PRMT9: variants seen among roughly 807,000 people sequenced by gnomAD.
PRMT9 encodes the protein protein arginine methyltransferase 9.
Under a neutral mutation model 83.2 loss-of-function variants are expected in PRMT9, and 59 were observed. The observed-to-expected ratio is 0.71, with a 90% confidence interval of 0.57 to 0.88. The LOEUF (loss-of-function observed/expected upper bound fraction) is 0.88, where lower values mean the gene tolerates loss of function less well. Among genes scored for constraint, PRMT9 ranks in the 40% least tolerant of loss-of-function variants. The pLI, the probability that PRMT9 is intolerant of heterozygous loss-of-function variation, is 0.00. For synonymous variants in PRMT9, 333 were observed against 353.2 expected, an observed-to-expected ratio of 0.94 and a Z score of 0.64; for missense variants, 947 against 1,021.9, an observed-to-expected ratio of 0.93 and a Z score of 1.00.
intron 6 of PRMT9, among the ~76,000 whole-genome samples, chr4:147,663,049 C>G (rs1735078025): frequency 6.6e-6 from 1 of 150,574 alleles, no homozygotes; most frequent in South Asian, 2.1e-4. Flanking sequence ...TGCTCTGTCG[C>G]CCAGGCTGGA....
At chr4:147,675,516 T>C (rs111956092) in intron 2 of PRMT9, among the ~76,000 whole-genome samples, 2 of 152,344 alleles carry the variant, frequency 1.3e-5, no homozygotes, top group African/African-American at 4.8e-5. Context: ...TATAGTACCA[T>C]GTACATTGTA....
chr4:147,661,068 G>C, intron 6 of PRMT9, 30 bp from the exon 7 acceptor site: 1 of 1,460,628 alleles, frequency 6.8e-7, no homozygotes, highest in Non-Finnish European at 9.6e-7. Flanking sequence ...GGGAGGGGTA[G>C]GAAGATGGAT....
At chr4:147,675,508 T>TA (rs932381862) in intron 2 of PRMT9, among the ~76,000 whole-genome samples, 1 of 152,210 alleles carries the variant, frequency 6.6e-6, no homozygotes, top group Non-Finnish European at 1.5e-5. Context: ...GTACATAGTA[T>TA]AGTACCATGT....
intron 6 of PRMT9, among the ~76,000 whole-genome samples, chr4:147,663,153 C>T (rs905184408): frequency 2.0e-5 from 3 of 151,530 alleles, no homozygotes; most frequent in African/African-American, 7.3e-5. Flanking sequence ...GGACTACAGG[C>T]GCCTGCCACC....
At position 147,679,291 on chromosome 4, in the gene PRMT9, C is replaced by T. The variant is rs550699381; in HGVS notation, c.338+1032G>A. 7.9e-5 allele frequency among the ~76,000 whole-genome samples: 12 copies of T among 152,106 alleles called. No individual in the cohort carries two copies. In the South Asian group the frequency reaches 2.5e-3, roughly 32 times the overall value. ...CTCTACAAACAAGACAAAAAATTAG[C>T]CAGGTGTGGTGGCATGTACTGCAAT... is the stretch of plus-strand genomic sequence containing the variant. On this transcript the variant is annotated intron_variant, in intron 2 of 11. Transcript: ENST00000322396.
chr4:147,678,946 G>A (rs1736275845), intron 2 of PRMT9, among the ~76,000 whole-genome samples: 1 of 152,196 alleles, frequency 6.6e-6, no homozygotes, highest in Admixed American at 6.5e-5. Flanking sequence ...CAAGAGCCAT[G>A]ACTAGGACTA....
intron 6 of PRMT9, among the ~76,000 whole-genome samples, chr4:147,666,823 T>TAA (rs67002013): frequency 2.7e-3 from 341 of 126,450 alleles, no homozygotes; most frequent in Middle Eastern, 0.012. Context: ...GAACTTTGTT[T>TAA]AAAAAAAAAA....
chr4:147,667,064 C>T (rs1735395548), intron 6 of PRMT9, among the ~76,000 whole-genome samples: 1 of 152,102 alleles, frequency 6.6e-6, no homozygotes, highest in African/African-American at 2.4e-5. Context: ...TAAAGAGGAA[C>T]TATTGAGGGA....
intron 10 of PRMT9, among the ~76,000 whole-genome samples, chr4:147,641,506 C>T (rs116008358): frequency 3.1e-4 from 47 of 152,280 alleles, no homozygotes; most frequent in Middle Eastern, 6.8e-3. Flanking sequence ...ATATCCCATA[C>T]GCCACACTCC....
intron 9 of PRMT9, among the ~76,000 whole-genome samples, chr4:147,652,610 C>T (rs1033464564): frequency 6.6e-6 from 1 of 151,600 alleles, no homozygotes; most frequent in African/African-American, 2.4e-5. Context: ...CACTTGAGCC[C>T]AGGAGTTCAA....
chr4:147,673,687 A>C lies in PRMT9; in HGVS notation c.526T>G (p.Leu176Val), dbSNP rs753175106. The change falls in exon 3 of 12, where the codon TTG becomes GTG. Residue 176 changes from leucine (L) to valine (V), a missense_variant. Physicochemically the swap from Leu to Val is conservative, Grantham distance 32. Coordinates refer to ENST00000322396, the MANE Select transcript of PRMT9 (RefSeq NM_138364.4). ...YNAAIQKAVC[L>V]GSKSVLDIGA... ...ATGTCCAAAACACTTTTGGACCCCAAACAAACTGCCTTTTGGATTGCTGCA... is the reference window on the plus strand; with the variant it reads ...ATGTCCAAAACACTTTTGGACCCCACACAAACTGCCTTTTGGATTGCTGCA... 4.3e-6 allele frequency: 7 copies of C among 1,613,956 alleles called. No homozygotes were observed.
chr4:147,681,230 A>G (rs183238517), intron 1 of PRMT9, among the ~76,000 whole-genome samples: 86 of 152,272 alleles, frequency 5.6e-4, no homozygotes, highest in African/African-American at 2.0e-3. Context: ...CAATATCTTT[A>G]AATCTGTTAC....
chr4:147,683,152 T>C (rs773260424), intron 1 of PRMT9, among the ~76,000 whole-genome samples: 3 of 152,144 alleles, frequency 2.0e-5, no homozygotes, highest in Non-Finnish European at 2.9e-5. Context: ...ATTACACACT[T>C]TATTCAACTA....
At chr4:147,657,341 C>T (rs1460526373) in intron 8 of PRMT9, among the ~76,000 whole-genome samples, 2 of 151,860 alleles carry the variant, frequency 1.3e-5, no homozygotes, top group African/African-American at 2.4e-5. Context: ...CTGGCTAACA[C>T]GGTGAAACTC....
At position 147,657,935 on chromosome 4, in the gene PRMT9, C is replaced by T. The variant is rs1486544741; in HGVS notation, c.1187G>A (p.Gly396Asp). The T allele has an allele frequency of 6.2e-7, 1 of 1,606,856 alleles. No individual in the cohort carries two copies. The highest frequency in any genetic ancestry group is 1.4e-5 in the African/African-American group (1 of 72,848). Residue 396 changes from glycine to aspartate, a missense_variant, in exon 8 of 12, where the codon GGT becomes GAT. Coordinates refer to ENST00000322396, the MANE Select transcript of PRMT9 (RefSeq NM_138364.4). ...SLATKKPDKI[G>D]IPVIKEGILD... ...TATGCCTTCTTTAATAACAGGAATA[C>T]CAATCTTATCAGGCTTTTTAGTTGC...
At chr4:147,652,980 A>T (rs2126591542) in intron 9 of PRMT9, among the ~76,000 whole-genome samples, 1 of 152,308 alleles carries the variant, frequency 6.6e-6, no homozygotes, top group Non-Finnish European at 1.5e-5. Flanking sequence ...TTCACTCATG[A>T]TTTTATATAA....
intron 10 of PRMT9, among the ~76,000 whole-genome samples, chr4:147,639,740 C>T (rs1487450980): frequency 1.3e-5 from 2 of 152,112 alleles, no homozygotes; most frequent in Non-Finnish European, 2.9e-5. Context: ...TTAGCCTCAT[C>T]CTCATTTGAA....
intron 9 of PRMT9, among the ~76,000 whole-genome samples, chr4:147,651,536 A>G (rs1487806872): frequency 6.6e-6 from 1 of 152,210 alleles, no homozygotes; most frequent in South Asian, 2.1e-4. Flanking sequence ...CTACAACTCA[A>G]TAACAAAATA....
chr4:147,672,964 G>A lies in PRMT9; in HGVS notation c.738C>T (p.Pro246=), dbSNP rs774063440. Residue 246 remains proline (P), a synonymous_variant, in exon 4 of 12, where the codon CCC becomes CCT. Coordinates refer to ENST00000322396, the MANE Select transcript of PRMT9 (RefSeq NM_138364.4). ...ATTAGTTTACATGATAATACCTTTC[G>A]GGAATATGTTTTGGAATCTCTATGT... is the stretch of plus-strand genomic sequence containing the variant. ...SLDIEIPKHI[P]ERVSLVVTET... 26 of 1,612,478 alleles carry A rather than the reference G, an allele frequency of 1.6e-5. 1 individual carries two copies. The highest frequency in any genetic ancestry group is 1.2e-4 in the Admixed American group (7 of 59,964).
Sources: gnomAD v4.1 joint callset for allele counts (sites outside exome capture counted in the v4.1 genomes callset) on GRCh38, gnomAD v4.1.1 for gene constraint, MANE v1.5 for transcripts, NCBI Gene and HGNC (gene_info 2026-07-23, HGNC 2026-07-21) for gene names.